The following PTAFR variants were observed in gnomAD, a reference collection of about 807,000 sequenced individuals.
PTAFR encodes the protein platelet activating factor receptor, also known as platelet-activating factor receptor.
Under a neutral mutation model 14.7 loss-of-function variants are expected in PTAFR, and 8 were observed. The ratio of observed to expected loss-of-function variants is 0.54; its 90% confidence interval spans 0.32 to 0.98. The LOEUF (loss-of-function observed/expected upper bound fraction) is 0.98, where lower values mean the gene tolerates loss of function less well. Ranked by LOEUF, PTAFR falls within the 50% of genes least tolerant of loss-of-function variation. The pLI is 0.04. For missense variants in PTAFR, 337 were observed against 451.2 expected (o/e 0.75, Z 2.29); for synonymous variants, 156 against 176.5 (o/e 0.88, Z 0.92).
chr1:28,154,081 GAAAAAAAAAA>G (rs71586829), intron 1 of PTAFR, among the ~76,000 whole-genome samples: 48 of 55,524 alleles, frequency 8.6e-4, no homozygotes, highest in Non-Finnish European at 1.4e-3. Flanking sequence ...CCTTGTCTCA[GAAAAAAAAAA>G]AAAAAAAAAA....
intron 1 of PTAFR, among the ~76,000 whole-genome samples, chr1:28,192,479 A>G (rs1357307210): frequency 6.7e-6 from 1 of 148,664 alleles, no homozygotes; most frequent in East Asian, 2.0e-4. Context: ...AATCACTTGA[A>G]CCTGGGAGGT....
In PTAFR at chr1:28,149,660, G is replaced by A. The variant is rs373038690; in HGVS notation, c.*333C>T. ...CAAAGCTTTAGACCGATGCCCCATC[G>A]GGGAGAACTAGGTGGTTTAAAGTCT... is the stretch of plus-strand genomic sequence containing the variant. On this transcript the variant is annotated 3_prime_UTR_variant, in exon 2 of 2. Transcript: ENST00000373857. The A allele has an allele frequency of 1.5e-5, 4 of 270,834 alleles. 1 individual carries two copies. Among genetic ancestry groups the A allele is most frequent in the Non-Finnish European group, 1.4e-5 (2 of 141,320 alleles). The allele number at this position is 270,834 out of a possible 1,614,324, so 16.8% of individuals were successfully genotyped here. A position where few individuals can be genotyped will look rare whatever the true frequency, so the allele number is the denominator to read the frequency against.
At chr1:28,165,911 A>G (rs1000998271) in intron 1 of PTAFR, among the ~76,000 whole-genome samples, 1 of 152,232 alleles carries the variant, frequency 6.6e-6, no homozygotes, top group African/African-American at 2.4e-5. Flanking sequence ...TACAGGTTCA[A>G]TGCCATTCTA....
At chr1:28,188,724 C>A (rs1646626085) in intron 1 of PTAFR, among the ~76,000 whole-genome samples, 1 of 151,772 alleles carries the variant, frequency 6.6e-6, no homozygotes. Flanking sequence ...GAGTGAAACT[C>A]CATCTAAAAA....
intron 1 of PTAFR, among the ~76,000 whole-genome samples, chr1:28,164,597 C>T (rs904409153): frequency 2.0e-5 from 3 of 152,156 alleles, no homozygotes; most frequent in African/African-American, 7.2e-5. Context: ...TACAAGATAC[C>T]TAATTTTCTA....
rs79619665 is a variant in PTAFR at position 28,175,607 on chromosome 1, A to G, written c.-39+985T>C. Among the ~76,000 whole-genome samples the G allele has an allele frequency of 4.0e-3, 609 of 151,926 alleles. 31 individuals carry two copies. In the East Asian group the frequency reaches 0.1, roughly 25 times the overall value. ...CAGCCCCATGTCTGGACCTCCTGCA[A>G]GCAGAGGACGGTGGGTGCCAGCCTG... On this transcript the variant is annotated intron_variant, in intron 1 of 1. Transcript: ENST00000373857.
At chr1:28,154,081 G>GAAAAAAAAAAAAAAAA in intron 1 of PTAFR, among the ~76,000 whole-genome samples, 1 of 55,504 alleles carries the variant, frequency 1.8e-5, no homozygotes, top group Non-Finnish European at 3.3e-5. Flanking sequence ...CCTTGTCTCA[G>GAAAAAAAAAAAAAAAA]AAAAAAAAAA....
Position 28,163,755 on chromosome 1 carries a change from G to A in PTAFR, c.-38-12696C>T, listed in dbSNP as rs368595726. On this transcript the variant is annotated intron_variant, in intron 1 of 1. Coordinates refer to ENST00000373857, the MANE Select transcript of PTAFR (RefSeq NM_000952.5). ...TTGGAGCCAGGGGAGGGGACTGTGG[G>A]CCAACATTGACCTAGGGGCTTTGAC... Among the ~76,000 whole-genome samples the A allele has an allele frequency of 2.0e-4, 31 of 152,252 alleles. No homozygotes were observed. In the South Asian group the frequency reaches 6.2e-3, roughly 31 times the overall value.
intron 1 of PTAFR, among the ~76,000 whole-genome samples, chr1:28,193,114 C>G (rs1405171281): frequency 6.6e-6 from 1 of 151,924 alleles, no homozygotes; most frequent in Non-Finnish European, 1.5e-5. Context: ...AACAGTAGGG[C>G]GGGTGCATCT....
In PTAFR at chr1:28,160,324, G is replaced by A. The variant is rs148802477; in HGVS notation, c.-38-9265C>T. Among the ~76,000 whole-genome samples the A allele has an allele frequency of 2.7e-3, 410 of 151,852 alleles. 2 individuals are homozygous for A. The highest frequency in any genetic ancestry group is 9.3e-3 in the African/African-American group (383 of 41,396). On this transcript the variant is annotated intron_variant, in intron 1 of 1. Coordinates refer to ENST00000373857, the MANE Select transcript of PTAFR (RefSeq NM_000952.5). ...TATTTAGGTAGGATAATGATATGGTGGTTGTATTGTTAAATTCCTTAGCTA... is the reference window on the plus strand; with the variant it reads ...TATTTAGGTAGGATAATGATATGGTAGTTGTATTGTTAAATTCCTTAGCTA...
intron 1 of PTAFR, among the ~76,000 whole-genome samples, chr1:28,152,160 G>C (rs1290724556): frequency 6.6e-6 from 1 of 152,140 alleles, no homozygotes; most frequent in Non-Finnish European, 1.5e-5. Flanking sequence ...GCCTCCCAAA[G>C]TGCTGGGATT....
chr1:28,161,671 C>T (rs899296491), intron 1 of PTAFR, among the ~76,000 whole-genome samples: 3 of 152,066 alleles, frequency 2.0e-5, no homozygotes, highest in Non-Finnish European at 4.4e-5. Flanking sequence ...GTAGAATGAC[C>T]AGGAAAGGCT....
intron 1 of PTAFR, among the ~76,000 whole-genome samples, chr1:28,188,581 A>C (rs1174902048): frequency 6.6e-6 from 1 of 152,182 alleles, no homozygotes; most frequent in Non-Finnish European, 1.5e-5. Context: ...TCTACTAAAA[A>C]TACAAAAAAT....
At chr1:28,174,987 C>T (rs1401509268) in intron 1 of PTAFR, among the ~76,000 whole-genome samples, 3 of 152,140 alleles carry the variant, frequency 2.0e-5, no homozygotes, top group East Asian at 1.9e-4. Context: ...AGTGCGATGG[C>T]GCCATCTCAG....
chr1:28,160,617 A>G (rs1646313072), intron 1 of PTAFR, among the ~76,000 whole-genome samples: 1 of 141,316 alleles, frequency 7.1e-6, no homozygotes, highest in Non-Finnish European at 1.5e-5. Context: ...CCTGCATGCT[A>G]ATCTCTATTT....
intron 1 of PTAFR, among the ~76,000 whole-genome samples, chr1:28,152,642 C>T (rs1283429229): frequency 2.0e-5 from 3 of 152,152 alleles, no homozygotes; most frequent in African/African-American, 7.2e-5. Flanking sequence ...ACTTGGGAGG[C>T]TGAGGCAGGA....
At chr1:28,152,843 T>C (rs532925894) in intron 1 of PTAFR, among the ~76,000 whole-genome samples, 1 of 152,346 alleles carries the variant, frequency 6.6e-6, no homozygotes, top group Non-Finnish European at 1.5e-5. Flanking sequence ...CGTGTTTGAA[T>C]AGAAGATCTA....
intron 1 of PTAFR, among the ~76,000 whole-genome samples, chr1:28,192,031 C>T (rs1046802322): frequency 6.6e-6 from 1 of 151,680 alleles, no homozygotes; most frequent in Non-Finnish European, 1.5e-5. Flanking sequence ...GATCGTGCCG[C>T]CACTGCCCTC....
intron 1 of PTAFR, among the ~76,000 whole-genome samples, chr1:28,192,044 A>G (rs906984283): frequency 6.6e-6 from 1 of 151,870 alleles, no homozygotes; most frequent in Non-Finnish European, 1.5e-5. Context: ...CTGCCCTCCA[A>G]CCTGGATGAC....
Sources: gnomAD v4.1 joint callset for allele counts (sites outside exome capture counted in the v4.1 genomes callset) on GRCh38, gnomAD v4.1.1 for gene constraint, MANE v1.5 for transcripts, NCBI Gene and HGNC (gene_info 2026-07-23, HGNC 2026-07-21) for gene names.